The following RORA variants were observed in gnomAD, a reference collection of about 807,000 sequenced individuals.
RORA encodes RAR related orphan receptor A.
In RORA, 7 loss-of-function variants were observed where a neutral mutation model predicts 69.5. That is an observed-to-expected ratio of 0.10 (90% confidence interval 0.06 to 0.19). RORA has a LOEUF of 0.19. RORA is among the 10% of genes least tolerant of loss of function. The probability of loss-of-function intolerance (pLI) is 1.00; values close to 1 mark genes in which losing one functional copy is unlikely to be tolerated. For missense variants in RORA, 457 were observed against 663.0 expected (o/e 0.69, Z 3.41); for synonymous variants, 261 against 240.8 (o/e 1.08, Z -0.78).
chr15:60,553,148 G>A (rs17191498), intron 2 of RORA, among the ~76,000 whole-genome samples: 497 of 152,258 alleles, frequency 3.3e-3, no homozygotes, highest in Non-Finnish European at 5.5e-3. Context: ...TGTTATATGA[G>A]CTATTGATAT....
At chr15:60,902,751 G>A (rs941848119) in intron 1 of RORA, among the ~76,000 whole-genome samples, 8 of 152,160 alleles carry the variant, frequency 5.3e-5, no homozygotes, top group East Asian at 1.9e-4. Context: ...TACTCCCACC[G>A]TGGTTGAACG....
At chr15:60,935,999 C>T (rs890453587) in intron 1 of RORA, among the ~76,000 whole-genome samples, 3 of 152,202 alleles carry the variant, frequency 2.0e-5, no homozygotes, top group African/African-American at 7.2e-5. Flanking sequence ...GAATTCATCA[C>T]CAGTTGAAGT....
chr15:61,103,800 A>C (rs958328438), intron 1 of RORA, among the ~76,000 whole-genome samples: 1 of 148,876 alleles, frequency 6.7e-6, no homozygotes, highest in Non-Finnish European at 1.5e-5. Context: ...GCCATCCCCC[A>C]CCCCGTCCAT....
chr15:60,547,358 CTG>C (rs2067103894), intron 2 of RORA, among the ~76,000 whole-genome samples: 1 of 147,422 alleles, frequency 6.8e-6, no homozygotes, highest in Admixed American at 6.9e-5. Context: ...GGGTCTCGCT[CTG>C]TCACCCAGGC....
chr15:61,073,747 A>G (rs1229297395), intron 1 of RORA, among the ~76,000 whole-genome samples: 5 of 152,196 alleles, frequency 3.3e-5, no homozygotes, highest in Non-Finnish European at 7.3e-5. Flanking sequence ...CCATCTTTAG[A>G]TGAGAGGCAG....
At chr15:60,896,152 G>A (rs1891225975) in intron 1 of RORA, among the ~76,000 whole-genome samples, 1 of 152,210 alleles carries the variant, frequency 6.6e-6, no homozygotes, top group Non-Finnish European at 1.5e-5. Flanking sequence ...CACTCATCCT[G>A]TAAGCACTTA....
At chr15:60,640,091 T>C (rs796475866) in intron 2 of RORA, among the ~76,000 whole-genome samples, 3 of 152,338 alleles carry the variant, frequency 2.0e-5, no homozygotes, top group African/African-American at 7.2e-5. Context: ...TTAACTTCTC[T>C]GAGCCTGAGA....
intron 1 of RORA, among the ~76,000 whole-genome samples, chr15:61,079,017 AG>A (rs2078497089): frequency 6.6e-6 from 1 of 152,210 alleles, no homozygotes; most frequent in Admixed American, 6.5e-5. Context: ...GGTAGGTACA[AG>A]TGATTAAATG....
At chr15:60,828,800 A>C (rs1247993461) in intron 1 of RORA, among the ~76,000 whole-genome samples, 3 of 152,152 alleles carry the variant, frequency 2.0e-5, no homozygotes, top group Non-Finnish European at 2.9e-5. Flanking sequence ...CTCTCTCATG[A>C]TCAGACAACG....
intron 1 of RORA, among the ~76,000 whole-genome samples, chr15:60,886,296 G>A (rs1259138942): frequency 1.3e-5 from 2 of 152,158 alleles, no homozygotes; most frequent in Non-Finnish European, 2.9e-5. Context: ...TTCTAACTCG[G>A]GATTTCATTG....
At chr15:60,988,367 T>G (rs1200741788) in intron 1 of RORA, among the ~76,000 whole-genome samples, 1 of 152,168 alleles carries the variant, frequency 6.6e-6, no homozygotes, top group African/African-American at 2.4e-5. Flanking sequence ...GGAAGTCACA[T>G]TTGATGCTCC....
At chr15:61,137,099 G>GAAAGAAAGAAAGAAAGAA (rs1567006736) in intron 1 of RORA, among the ~76,000 whole-genome samples, 2 of 144,948 alleles carry the variant, frequency 1.4e-5, no homozygotes, top group Admixed American at 6.9e-5. Context: ...AAGAAAGAAA[G>GAAAGAAAGAAAGAAAGAA]AAAAAAGCAA....
chr15:60,946,233 ACTCCCT>A (rs112860237), intron 1 of RORA, among the ~76,000 whole-genome samples: 14 of 149,090 alleles, frequency 9.4e-5, no homozygotes, highest in Admixed American at 3.3e-4. Flanking sequence ...AATGACTCCG[ACTCCCT>A]CTCCCTCTCC....
At chr15:61,052,045 C>T (rs1200770886) in intron 1 of RORA, among the ~76,000 whole-genome samples, 1 of 152,230 alleles carries the variant, frequency 6.6e-6, no homozygotes, top group African/African-American at 2.4e-5. Context: ...AATAGAAATG[C>T]TATCGTCTGC....
At chr15:60,805,018 GT>G (rs2072640683) in intron 1 of RORA, among the ~76,000 whole-genome samples, 1 of 152,174 alleles carries the variant, frequency 6.6e-6, no homozygotes, top group African/African-American at 2.4e-5. Context: ...CCCAGACACA[GT>G]TTTTAAATGC....
At chr15:61,068,722 C>G (rs76060336) in intron 1 of RORA, among the ~76,000 whole-genome samples, 1 of 152,220 alleles carries the variant, frequency 6.6e-6, no homozygotes, top group African/African-American at 2.4e-5. Context: ...GAAATGACCA[C>G]ATTCACCCAT....
At chr15:60,763,492 A>G (rs1398898910) in intron 1 of RORA, among the ~76,000 whole-genome samples, 4 of 152,098 alleles carry the variant, frequency 2.6e-5, no homozygotes, top group African/African-American at 9.7e-5. Flanking sequence ...AGCATGTTAA[A>G]CTCTTGACGA....
intron 2 of RORA, among the ~76,000 whole-genome samples, chr15:60,642,075 C>G (rs888727614): frequency 2.6e-5 from 4 of 152,132 alleles, no homozygotes; most frequent in African/African-American, 9.7e-5. Flanking sequence ...AGAAGTGGCT[C>G]AGGTGAGCTC....
intron 2 of RORA, among the ~76,000 whole-genome samples, chr15:60,622,078 A>T (rs187958085): frequency 6.6e-6 from 1 of 152,180 alleles, no homozygotes; most frequent in African/African-American, 2.4e-5. Context: ...TGTTCCCTCC[A>T]TGTAGTACCC....
Sources: gnomAD v4.1 joint callset for allele counts (sites outside exome capture counted in the v4.1 genomes callset) on GRCh38, gnomAD v4.1.1 for gene constraint, MANE v1.5 for transcripts, NCBI Gene and HGNC (gene_info 2026-07-23, HGNC 2026-07-21) for gene names.